NAALADL2: variants seen among roughly 807,000 people sequenced by gnomAD.
NAALADL2 encodes N-acetylated alpha-linked acidic dipeptidase like 2.
In NAALADL2, 76 loss-of-function variants were observed where a neutral mutation model predicts 87.2. The observed-to-expected ratio is 0.87, with a 90% CI of 0.72 to 1.05. The LOEUF is 1.05. NAALADL2 is among the 50% of genes least tolerant of loss of function. The probability of loss-of-function intolerance (pLI) is 0.00; values close to 1 mark genes in which losing one functional copy is unlikely to be tolerated. For synonymous variants in NAALADL2, 354 were observed against 331.0 expected (o/e 1.07, Z -0.75); for missense variants, 1,089 against 945.8 (o/e 1.15, Z -1.99).
intron 1 of NAALADL2, among the ~76,000 whole-genome samples, chr3:174,968,507 T>A (rs913074392): frequency 2.6e-5 from 4 of 152,122 alleles, no homozygotes; most frequent in Admixed American, 1.3e-4. Flanking sequence ...CTAACTATTT[T>A]TTTTTTCTAT....
At chr3:175,475,417 T>G (rs1560614451) in intron 9 of NAALADL2, among the ~76,000 whole-genome samples, 2 of 152,352 alleles carry the variant, frequency 1.3e-5, no homozygotes, top group East Asian at 3.9e-4. Flanking sequence ...TGTTCTGCTC[T>G]TAGTTTTCAA....
At chr3:175,138,709 G>T (rs978970284) in intron 2 of NAALADL2, among the ~76,000 whole-genome samples, 1 of 148,384 alleles carries the variant, frequency 6.7e-6, no homozygotes. Context: ...TGATCCTCCC[G>T]AATAGCTGAG....
chr3:175,656,867 C>G (rs1255149970), intron 11 of NAALADL2, among the ~76,000 whole-genome samples: 1 of 152,080 alleles, frequency 6.6e-6, no homozygotes, highest in Non-Finnish European at 1.5e-5. Context: ...GGCTTTGTGT[C>G]AGATAACTAG....
intron 2 of NAALADL2, among the ~76,000 whole-genome samples, chr3:174,665,599 G>A (rs489683): frequency 0.65 from 98,098 of 152,068 alleles, 32,323 homozygotes; most frequent in Admixed American, 0.73. Context: ...CAATATTTGA[G>A]TCCAGGTTTG....
At chr3:175,739,090 A>G (rs990591639) in intron 12 of NAALADL2, among the ~76,000 whole-genome samples, 2 of 152,208 alleles carry the variant, frequency 1.3e-5, no homozygotes, top group South Asian at 2.1e-4. Flanking sequence ...TCTAAAAGCA[A>G]TAACTATCAT....
intron 5 of NAALADL2, among the ~76,000 whole-genome samples, chr3:175,343,268 A>G (rs919280044): frequency 1.3e-5 from 2 of 152,072 alleles, no homozygotes; most frequent in African/African-American, 4.8e-5. Flanking sequence ...ACCCTTTGCT[A>G]CAGCAGTAAA....
At position 174,585,541 on chromosome 3, in the gene NAALADL2, A is replaced by C. The variant is rs571383924; in HGVS notation, c.-115+34904A>C. ...TTCATTTTCAATTTGAATACATCCA[A>C]AGATGTGGAGCTGTGAAATATCAGA... On this transcript the variant is annotated intron_variant, in intron 2 of 3. Transcript: ENST00000434257. Among the ~76,000 whole-genome samples, 6 of 152,184 alleles carry C rather than the reference A, an allele frequency of 3.9e-5. No homozygotes were observed. The South Asian group carries it at 1.2e-3, about 32-fold the overall frequency.
intron 3 of NAALADL2, among the ~76,000 whole-genome samples, chr3:174,840,456 A>G (rs1723894979): frequency 6.6e-6 from 1 of 152,158 alleles, no homozygotes. Flanking sequence ...TAGTTGACAC[A>G]TTAAAATATA....
chr3:175,653,313 TC>T (rs1222093533), intron 11 of NAALADL2, among the ~76,000 whole-genome samples: 1 of 152,202 alleles, frequency 6.6e-6, no homozygotes, highest in Non-Finnish European at 1.5e-5. Flanking sequence ...TTCTTTAGTT[TC>T]AGGGCTCATA....
chr3:175,022,853 A>G (rs113187636), intron 1 of NAALADL2, among the ~76,000 whole-genome samples: 3 of 151,062 alleles, frequency 2.0e-5, no homozygotes, highest in African/African-American at 7.3e-5. Context: ...CCACTTGAAA[A>G]TTTGTGAAGT....
chr3:175,449,394 C>CT (rs1185888984), intron 6 of NAALADL2, among the ~76,000 whole-genome samples: 1,192 of 48,566 alleles, frequency 0.025, 27 homozygotes, highest in Non-Finnish European at 0.039. Flanking sequence ...TAATTTTCTT[C>CT]TTTTTTTTTT....
intron 11 of NAALADL2, among the ~76,000 whole-genome samples, chr3:175,627,694 G>GT (rs1727185255): frequency 1.3e-5 from 2 of 151,668 alleles, no homozygotes. Context: ...TAAAGAGGGA[G>GT]TAATAATAGT....
intron 1 of NAALADL2, among the ~76,000 whole-genome samples, chr3:174,515,859 A>G (rs974668961): frequency 6.6e-6 from 1 of 152,084 alleles, no homozygotes; most frequent in Non-Finnish European, 1.5e-5. Flanking sequence ...GACCCTTTAG[A>G]TGAATGATAA....
At chr3:175,339,046 A>G (rs1329713507) in intron 5 of NAALADL2, among the ~76,000 whole-genome samples, 1 of 152,236 alleles carries the variant, frequency 6.6e-6, no homozygotes, top group Non-Finnish European at 1.5e-5. Flanking sequence ...AGCCTCTGGC[A>G]ATACAGCAGA....
At chr3:175,061,144 T>G (rs1237259475) in intron 1 of NAALADL2, among the ~76,000 whole-genome samples, 2 of 152,122 alleles carry the variant, frequency 1.3e-5, no homozygotes, top group Non-Finnish European at 2.9e-5. Context: ...TTAAAAAAAT[T>G]GGAATATGAG....
intron 2 of NAALADL2, among the ~76,000 whole-genome samples, chr3:174,692,270 G>A (rs895814444): frequency 2.6e-5 from 4 of 152,092 alleles, no homozygotes; most frequent in Admixed American, 6.6e-5. Context: ...GTAATGGAAC[G>A]CCTCTGGCTT....
chr3:174,882,606 T>TATACAC (rs1319633283), intron 1 of NAALADL2, among the ~76,000 whole-genome samples: 2 of 137,030 alleles, frequency 1.5e-5, no homozygotes, highest in African/African-American at 6.8e-5. Context: ...TACACATACA[T>TATACAC]ATATGTGCAT....
intron 3 of NAALADL2, among the ~76,000 whole-genome samples, chr3:174,828,720 C>T (rs574048171): frequency 2.2e-4 from 34 of 152,150 alleles, no homozygotes; most frequent in African/African-American, 3.1e-4. Flanking sequence ...TTATGCACAT[C>T]GCTCCTGAAT....
chr3:174,570,889 A>G (rs948652860), intron 2 of NAALADL2, among the ~76,000 whole-genome samples: 15 of 152,210 alleles, frequency 9.9e-5, no homozygotes, highest in African/African-American at 3.6e-4. Context: ...ACTTCCTTTA[A>G]CTCAGCATTT....
Sources: gnomAD v4.1 joint callset for allele counts (sites outside exome capture counted in the v4.1 genomes callset) on GRCh38, gnomAD v4.1.1 for gene constraint, MANE v1.5 for transcripts, NCBI Gene and HGNC (gene_info 2026-07-23, HGNC 2026-07-21) for gene names.